The following HES6 variants were observed in gnomAD, a reference collection of about 807,000 sequenced individuals.
The protein encoded by HES6 is transcription cofactor HES-6.
A neutral mutation model predicts 16.4 loss-of-function variants in HES6; 24 were observed. The ratio of observed to expected loss-of-function variants is 1.46; its 90% CI spans 1.06 to 2.06. The LOEUF (loss-of-function observed/expected upper bound fraction) is 2.06. Among genes scored for constraint, HES6 ranks in the 30% most tolerant of loss-of-function variants. HES6 has a pLI of 0.00. For missense variants in HES6, 355 were observed against 317.6 expected, an observed-to-expected ratio of 1.12 and a Z score of -0.90; for synonymous variants, 159 against 144.3, an observed-to-expected ratio of 1.10 and a Z score of -0.73.
chr2:238,239,611 G>GGGGGGGGCC, intron 2 of HES6, 43 bp from the exon 3 acceptor site: 29 of 1,135,504 alleles, frequency 2.6e-5, no homozygotes, highest in South Asian at 7.8e-5. Context: ...CGCGCTCCCG[G>GGGGGGGGCC]ACCCGCCCGC....
Position 238,239,265 on chromosome 2 carries a change from TGGGA to T in HES6, c.251-18_251-15del, listed in dbSNP as rs368257093. On this transcript the variant is annotated splice_polypyrimidine_tract_variant and intron_variant, in intron 3 of 3. Coordinates refer to ENST00000272937, the MANE Select transcript of HES6 (RefSeq NM_018645.6). ...GCTGCTCGCGCTCTGGGCCCGAGGG[TGGGA>T]GGGAGAGAGCCGCGTCCCGCGCGGT... is the stretch of plus-strand genomic sequence containing the variant. 5.8e-4 allele frequency: 931 copies of T among 1,598,196 alleles called. 5 individuals carry two copies. In the African/African-American group the frequency reaches 0.011, roughly 19 times the overall value.
Position 238,239,323 on chromosome 2 carries a change from C to A in HES6, c.251-72G>T, listed in dbSNP as rs771699955. 8.8e-6 allele frequency: 13 copies of A among 1,471,628 alleles called. No homozygotes were observed. The South Asian group carries it at 1.3e-4, about 15-fold the overall frequency. 91.2% of individuals were successfully genotyped at this position (1,471,628 alleles called of 1,614,324 possible). Reference sequence around the variant, plus strand: ...CGGCGACTGCGTGGCCCAGCCCACCCGGCCCGCGGGGACGCGGCTCACCCA... The same window carrying A: ...CGGCGACTGCGTGGCCCAGCCCACCAGGCCCGCGGGGACGCGGCTCACCCA... On this transcript the variant is annotated intron_variant, in intron 3 of 3. Coordinates refer to ENST00000272937, the MANE Select transcript of HES6 (RefSeq NM_018645.6).
At position 238,239,100 on chromosome 2, in the gene HES6, C is replaced by A. The variant is rs769731885; in HGVS notation, c.402G>T (p.Pro134=). The A allele has an allele frequency of 2.5e-6, 4 of 1,612,590 alleles. No homozygotes were observed. Among genetic ancestry groups the A allele is most frequent in the Non-Finnish European group, 3.4e-6 (4 of 1,179,922 alleles). The change falls in exon 4 of 4, where the codon CCG becomes CCT. Residue 134 remains proline, a synonymous_variant. Coordinates refer to ENST00000272937, the MANE Select transcript of HES6 (RefSeq NM_018645.6). ...CCTGGAAGCTGCTGCCCTCACGCAG[C>A]GGCATGGACTCGAGCAGATGGTTCA... ...ELLNHLLESM[P]LREGSSFQDL...
rs754205738 is a variant in HES6, at chr2:238,239,053, G to T, written c.449C>A (p.Ala150Glu). The T allele has an allele frequency of 6.2e-7, 1 of 1,612,004 alleles. No individual in the cohort carries two copies. The highest frequency in any genetic ancestry group is 8.5e-7 in the Non-Finnish European group (1 of 1,179,796). ...SFQDLLGDAL[A>E]GPPRAPGRSG... is the part of the protein sequence containing the mutation. The stretch of plus-strand genomic sequence containing the variant: ...CCGTCCAGGGGCTCTAGGTGGCCCC[G>T]CCAGGGCGTCCCCCAGCAGATCCTG... The change falls in exon 4 of 4, where the codon GCG becomes GAG. Residue 150 changes from alanine to glutamate, a missense_variant. By Grantham distance (107) the Ala-to-Glu change is moderately radical (BLOSUM62 -1). Transcript: ENST00000272937.
In HES6 at chr2:238,238,877, C is replaced by T; in HGVS notation, c.625G>A (p.Gly209Ser). 6.3e-7 allele frequency: 1 copy of T among 1,579,622 alleles called. No homozygotes were observed. Among genetic ancestry groups the T allele is most frequent in the Non-Finnish European group, 8.6e-7 (1 of 1,166,260 alleles). The change falls in exon 4 of 4, where the codon GGC (glycine) becomes AGC (serine). Residue 209 changes from glycine to serine, a missense_variant. Transcript: ENST00000272937. ...EGPDLVPAALGSLTTAQIARS... is the reference protein window; with the variant it reads ...EGPDLVPAALSSLTTAQIARS... ...GCAATTTGGGCTGTGGTCAGGCTGCCCAGGGCTGCGGGCACCAAGTCGGGC... is the reference window on the plus strand; with the variant it reads ...GCAATTTGGGCTGTGGTCAGGCTGCTCAGGGCTGCGGGCACCAAGTCGGGC...
chr2:238,239,407 C>A (rs1010980906), intron 3 of HES6, 80 bp downstream of exon 3: 20 of 1,280,442 alleles, frequency 1.6e-5, no homozygotes, highest in Non-Finnish European at 2.0e-5. Flanking sequence ...AGGACAGGGG[C>A]GCCGGGAGGG....
chr2:238,239,611 G>GGGGGGGGGCCCCC, intron 2 of HES6, 43 bp from the exon 3 acceptor site: 8 of 1,135,654 alleles, frequency 7.0e-6, no homozygotes, highest in African/African-American at 1.6e-5. Context: ...CGCGCTCCCG[G>GGGGGGGGGCCCCC]ACCCGCCCGC....
At position 238,239,599 on chromosome 2, in the gene HES6, A is replaced by G. The variant is rs946852678; in HGVS notation, c.169-31T>C. ...CGGGCGGGAAGGGCGGTGAGCCGGC[A>G]GCGCGCTCCCGGACCCGCCCGCCCG... On this transcript the variant is annotated intron_variant, in intron 2 of 3. Coordinates refer to ENST00000272937, the MANE Select transcript of HES6 (RefSeq NM_018645.6). The G allele has an allele frequency of 7.9e-4, 940 of 1,185,092 alleles. 1 individual carries two copies. Among genetic ancestry groups the G allele is most frequent in the Admixed American group, 1.7e-3 (37 of 21,612 alleles). 73.4% of individuals were successfully genotyped at this position (1,185,092 alleles called of 1,614,324 possible). A position where few individuals can be genotyped will look rare whatever the true frequency, so the allele number is the denominator to read the frequency against.
At position 238,240,028 on chromosome 2, in the gene HES6, C is replaced by T. The variant is rs1207786159; in HGVS notation, c.-123G>A. The T allele has an allele frequency of 6.3e-6, 3 of 475,558 alleles. No homozygotes were observed. The highest frequency in any genetic ancestry group is 2.0e-5 in the African/African-American group (1 of 48,990). The allele number at this position is 475,558 out of a possible 1,614,324, so 29.5% of individuals were successfully genotyped here. A position where few individuals can be genotyped will look rare whatever the true frequency, so the allele number is the denominator to read the frequency against. On this transcript the variant is annotated 5_prime_UTR_variant, in exon 1 of 4. Coordinates refer to ENST00000272937, the MANE Select transcript of HES6 (RefSeq NM_018645.6). ...CAGCAGCAGCCCAGCCGTCCGCGCT[C>T]CTCGCGGCTTCCGGCCCGCCGCGGT...
chr2:238,238,743 C>G lies in HES6; in HGVS notation c.*84G>C. ...GACCTGGGAGACTTCCAGGGCCCTA[C>G]CCCACCACATCTGAACCCCTGGGAG... On this transcript the variant is annotated 3_prime_UTR_variant, in exon 4 of 4. Coordinates refer to ENST00000272937, the MANE Select transcript of HES6 (RefSeq NM_018645.6). 7.4e-7 allele frequency: 1 copy of G among 1,357,498 alleles called. No individual in the cohort carries two copies. Among genetic ancestry groups the G allele is most frequent in the African/African-American group, 1.5e-5 (1 of 68,516 alleles). 84.1% of individuals were successfully genotyped at this position (1,357,498 alleles called of 1,614,324 possible).
Position 238,239,837 on chromosome 2 carries a change from T to A in HES6, c.69A>T (p.Arg23=). The A allele has an allele frequency of 7.2e-7, 1 of 1,391,002 alleles. No individual in the cohort carries two copies. Among genetic ancestry groups the A allele is most frequent in the Non-Finnish European group, 9.4e-7 (1 of 1,063,454 alleles). The allele number at this position is 1,391,002 out of a possible 1,614,324, so 86.2% of individuals were successfully genotyped here. A position where few individuals can be genotyped will look rare whatever the true frequency, so the allele number is the denominator to read the frequency against. The change falls in exon 1 of 4, where the codon CGA becomes CGT. Residue 23 remains arginine, a synonymous_variant. Transcript: ENST00000272937. The part of the protein sequence containing the change: ...GREDEDGWET[R]GDRKARKPLV... ...CCCCGGCCCGCACCTTGCGGTCCCC[T>A]CGCGTCTCCCAGCCGTCCTCATCCT...
At chr2:238,239,600 GCGCGCTCCCGGACC>G (rs1041450929) in intron 2 of HES6, 32 bp from the exon 3 acceptor site, 2 of 1,180,260 alleles carry the variant, frequency 1.7e-6, no homozygotes, top group East Asian at 4.1e-5. Flanking sequence ...TGAGCCGGCA[GCGCGCTCCCGGACC>G]CGCCCGCCCG....
In HES6 at chr2:238,238,855, A is replaced by G; in HGVS notation, c.647T>C (p.Ile216Thr). The change falls in exon 4 of 4, where the codon ATT becomes ACT. Residue 216 changes from isoleucine (I) to threonine (T), a missense_variant. By Grantham distance (89) the Ile-to-Thr change is moderately conservative (BLOSUM62 -1). Transcript: ENST00000272937. Reference sequence around the variant, plus strand: ...CCAAGGCCTCCAGACACTCCGGGCAATTTGGGCTGTGGTCAGGCTGCCCAG... The same window carrying G: ...CCAAGGCCTCCAGACACTCCGGGCAGTTTGGGCTGTGGTCAGGCTGCCCAG... ...AALGSLTTAQ[I>T]ARSVWRPW 6 of 1,574,172 alleles carry G rather than the reference A, an allele frequency of 3.8e-6. No homozygotes were observed. Among genetic ancestry groups the G allele is most frequent in the Non-Finnish European group, 4.3e-6 (5 of 1,165,118 alleles).
chr2:238,239,501 C>T lies in HES6; in HGVS notation c.236G>A (p.Arg79Gln). Residue 79 changes from arginine to glutamine, a missense_variant, in exon 3 of 4, where the codon CGG becomes CAG. Coordinates refer to ENST00000272937, the MANE Select transcript of HES6 (RefSeq NM_018645.6). ...CCGCCACTCACCGCGCGCCCGGCCC[C>T]GCAGCACACCCTGGACCCGCCGCAC... Reference protein sequence around the residue: ...LTVRRVQGVLRGRAREREQLQ... With the variant: ...LTVRRVQGVLQGRAREREQLQ... 7.6e-7 allele frequency: 1 copy of T among 1,308,968 alleles called. No homozygotes were observed. The highest frequency in any genetic ancestry group is 2.1e-5 in the South Asian group (1 of 46,874). 81.1% of individuals were successfully genotyped at this position (1,308,968 alleles called of 1,614,324 possible).
In HES6 at chr2:238,239,574, CG is replaced by C; in HGVS notation, c.169-7del. 1 of 1,234,872 alleles carries C rather than the reference CG, an allele frequency of 8.1e-7. No homozygotes were observed. Among genetic ancestry groups the C allele is most frequent in the Non-Finnish European group, 1.0e-6 (1 of 987,110 alleles). The allele number at this position is 1,234,872 out of a possible 1,614,324, so 76.5% of individuals were successfully genotyped here. On this transcript the variant is annotated splice_polypyrimidine_tract_variant and splice_region_variant and intron_variant, in intron 2 of 3. Transcript: ENST00000272937. ...TTCTCCAGCTTGGCCTGCACCTGCG[CG>C]GGCGGGAAGGGCGGTGAGCCGGCAG...
rs749810626 is a variant in HES6 at position 238,238,946 on chromosome 2, C to G, written c.556G>C (p.Glu186Gln). 6.2e-7 allele frequency: 1 copy of G among 1,600,110 alleles called. No homozygotes were observed. Among genetic ancestry groups the G allele is most frequent in the South Asian group, 1.1e-5 (1 of 89,554 alleles). The change falls in exon 4 of 4, where the codon GAG becomes CAG. Residue 186 changes from glutamate (E) to glutamine (Q), a missense_variant. Transcript: ENST00000272937. ...CTCAGTTCAGCCTCAGGGGCCTCCT[C>G]CAGGTCGGAGCACAGGTCGTCCCCA... ...GPGDDLCSDL[E>Q]EAPEAELSQA...
In HES6 at chr2:238,238,624, G is replaced by A. The variant is rs1192310034; in HGVS notation, c.*203C>T. On this transcript the variant is annotated 3_prime_UTR_variant, in exon 4 of 4. Coordinates refer to ENST00000272937, the MANE Select transcript of HES6 (RefSeq NM_018645.6). ...CCTCCACCCACTCCAGAGCTGCAGGGTCCCTAAAAGTTTCTTAAGAAACGG... is the reference window on the plus strand; with the variant it reads ...CCTCCACCCACTCCAGAGCTGCAGGATCCCTAAAAGTTTCTTAAGAAACGG... 2 of 590,020 alleles carry A rather than the reference G, an allele frequency of 3.4e-6. No homozygotes were observed. Among genetic ancestry groups the A allele is most frequent in the Non-Finnish European group, 5.9e-6 (2 of 339,476 alleles). The allele number at this position is 590,020 out of a possible 1,614,324, so 36.5% of individuals were successfully genotyped here. A position where few individuals can be genotyped will look rare whatever the true frequency, so the allele number is the denominator to read the frequency against.
chr2:238,239,317 C>T lies in HES6; in HGVS notation c.251-66G>A, dbSNP rs778851923. 4.7e-6 allele frequency: 7 copies of T among 1,487,394 alleles called. No homozygotes were observed. In the South Asian group the frequency reaches 8.8e-5, roughly 19 times the overall value. 92.1% of individuals were successfully genotyped at this position (1,487,394 alleles called of 1,614,324 possible). A position where few individuals can be genotyped will look rare whatever the true frequency, so the allele number is the denominator to read the frequency against. On this transcript the variant is annotated intron_variant, in intron 3 of 3. Transcript: ENST00000272937. ...GGTGAGCGGCGACTGCGTGGCCCAG[C>T]CCACCCGGCCCGCGGGGACGCGGCT...
intron 3 of HES6, 93 bp from the exon 4 acceptor site, chr2:238,239,344 A>T (rs773035733): frequency 1.4e-6 from 2 of 1,379,942 alleles, no homozygotes; most frequent in Non-Finnish European, 1.9e-6. Flanking sequence ...GACGCGGCTC[A>T]CCCAGGAGAC....
Sources: allele counts gnomAD v4.1 joint callset, GRCh38; gene constraint gnomAD v4.1.1; transcripts MANE v1.5; gene names NCBI Gene and HGNC (gene_info 2026-07-23, HGNC 2026-07-21).